KCNH7: variants seen among roughly 807,000 people sequenced by gnomAD.
The protein encoded by KCNH7 is potassium voltage-gated channel subfamily H member 7.
KCNH7 carries 49 observed loss-of-function variants against 120.8 expected under a neutral mutation model. The observed-to-expected ratio is 0.41, with a 90% CI of 0.32 to 0.51. The LOEUF (loss-of-function observed/expected upper bound fraction) is 0.51. Ranked by LOEUF, KCNH7 falls within the 20% of genes least tolerant of loss-of-function variation. The pLI is 0.38. For missense variants in KCNH7, 1,097 were observed against 1,446.6 expected (o/e 0.76, Z 3.92); for synonymous variants, 547 against 516.1 (o/e 1.06, Z -0.81).
At chr2:162,637,385 G>A (rs542025437) in intron 2 of KCNH7, among the ~76,000 whole-genome samples, 1 of 152,056 alleles carries the variant, frequency 6.6e-6, no homozygotes, top group Non-Finnish European at 1.5e-5. Flanking sequence ...AAACATACCC[G>A]ATAGTTCCAA....
chr2:162,572,640 A>G (rs1693523192), intron 2 of KCNH7, among the ~76,000 whole-genome samples: 1 of 122,162 alleles, frequency 8.2e-6, no homozygotes, highest in Non-Finnish European at 1.7e-5. Context: ...AAGACTTGGA[A>G]CCAACCCAAA....
intron 3 of KCNH7, among the ~76,000 whole-genome samples, chr2:162,535,825 C>G (rs753968834): frequency 2.6e-5 from 4 of 151,512 alleles, no homozygotes; most frequent in Non-Finnish European, 5.9e-5. Context: ...ATAGATAGAT[C>G]AACAGAACAG....
At chr2:162,725,953 T>G (rs1193249770) in intron 2 of KCNH7, among the ~76,000 whole-genome samples, 1 of 152,224 alleles carries the variant, frequency 6.6e-6, no homozygotes, top group African/African-American at 2.4e-5. Context: ...AAGAATATTT[T>G]CTTTCAAAAC....
chr2:162,664,703 G>A (rs1243264674), intron 2 of KCNH7, among the ~76,000 whole-genome samples: 1 of 152,096 alleles, frequency 6.6e-6, no homozygotes, highest in Non-Finnish European at 1.5e-5. Context: ...AATATATGAT[G>A]TCCTTTTATA....
chr2:162,484,949 G>A (rs542259859), intron 6 of KCNH7, among the ~76,000 whole-genome samples: 2 of 152,196 alleles, frequency 1.3e-5, no homozygotes, highest in African/African-American at 4.8e-5. Context: ...CCAGAATCAT[G>A]AGCGAATAAA....
chr2:162,513,446 C>T (rs1394110414), intron 4 of KCNH7, among the ~76,000 whole-genome samples: 4 of 134,888 alleles, frequency 3.0e-5, no homozygotes, highest in African/African-American at 8.2e-5. Context: ...TCCTTCCTTC[C>T]TTCCTTCTCT....
At chr2:162,752,923 G>C (rs1433635093) in intron 2 of KCNH7, among the ~76,000 whole-genome samples, 2 of 66,166 alleles carry the variant, frequency 3.0e-5, no homozygotes, top group Admixed American at 3.2e-4. Flanking sequence ...GAAAAGAAAA[G>C]AAAAGAAAAG....
intron 2 of KCNH7, among the ~76,000 whole-genome samples, chr2:162,828,731 C>T (rs1450283529): frequency 1.3e-5 from 2 of 152,116 alleles, no homozygotes. Flanking sequence ...CAGGGAACCT[C>T]ACACATTCTG....
At chr2:162,639,173 C>A (rs1684063045) in intron 2 of KCNH7, among the ~76,000 whole-genome samples, 1 of 152,110 alleles carries the variant, frequency 6.6e-6, no homozygotes, top group Admixed American at 6.6e-5. Context: ...TAAATACATT[C>A]TTACAGGAGA....
chr2:162,832,925 T>C (rs1685529238), intron 2 of KCNH7, among the ~76,000 whole-genome samples: 2 of 152,146 alleles, frequency 1.3e-5, no homozygotes. Context: ...CAGTCCCTTA[T>C]CATTCTTCAG....
At chr2:162,474,448 G>A (rs1384823259) in intron 6 of KCNH7, among the ~76,000 whole-genome samples, 1 of 152,208 alleles carries the variant, frequency 6.6e-6, no homozygotes, top group Non-Finnish European at 1.5e-5. Context: ...AAACTAATTA[G>A]AGGTAGCTAT....
At chr2:162,481,976 C>CTATA in intron 6 of KCNH7, among the ~76,000 whole-genome samples, 1 of 149,564 alleles carries the variant, frequency 6.7e-6, no homozygotes, top group East Asian at 1.9e-4. Flanking sequence ...ATCTATCTAT[C>CTATA]TATCTATCTA....
intron 2 of KCNH7, among the ~76,000 whole-genome samples, chr2:162,615,650 A>T (rs1215047299): frequency 1.3e-5 from 2 of 152,272 alleles, no homozygotes; most frequent in East Asian, 3.9e-4. Flanking sequence ...ATTACTTATC[A>T]TTTATGCAAC....
intron 2 of KCNH7, among the ~76,000 whole-genome samples, chr2:162,708,080 T>C (rs550368065): frequency 3.3e-5 from 5 of 152,268 alleles, no homozygotes; most frequent in African/African-American, 1.2e-4. Flanking sequence ...ATTTATTTAA[T>C]AAATTTATCT....
intron 6 of KCNH7, among the ~76,000 whole-genome samples, chr2:162,491,655 T>C (rs921416746): frequency 1.3e-5 from 2 of 152,294 alleles, no homozygotes. Flanking sequence ...AAAAGTTGCA[T>C]TGGCATTCAT....
intron 6 of KCNH7, among the ~76,000 whole-genome samples, chr2:162,472,676 TGTG>T (rs1200030204): frequency 6.6e-6 from 1 of 152,214 alleles, no homozygotes; most frequent in Non-Finnish European, 1.5e-5. Context: ...TGGCAGTCGG[TGTG>T]GTGATTCCTC....
At chr2:162,651,064 T>C (rs1012791715) in intron 2 of KCNH7, among the ~76,000 whole-genome samples, 4 of 152,198 alleles carry the variant, frequency 2.6e-5, no homozygotes, top group Admixed American at 2.6e-4. Flanking sequence ...GAAACACTTA[T>C]GAAGGACTAA....
chr2:162,596,039 T>C (rs1694368303), intron 2 of KCNH7, among the ~76,000 whole-genome samples: 1 of 151,946 alleles, frequency 6.6e-6, no homozygotes, highest in Non-Finnish European at 1.5e-5. Context: ...TAAAAATAAA[T>C]TGATGAAAGA....
At chr2:162,770,736 A>G (rs1435980239) in intron 2 of KCNH7, among the ~76,000 whole-genome samples, 1 of 152,050 alleles carries the variant, frequency 6.6e-6, no homozygotes, top group Non-Finnish European at 1.5e-5. Context: ...GTGTATTATC[A>G]ATATGTTGAA....
Sources: allele counts gnomAD v4.1 joint callset (sites outside exome capture counted in the v4.1 genomes callset), GRCh38; gene constraint gnomAD v4.1.1; transcripts MANE v1.5; gene names NCBI Gene and HGNC (gene_info 2026-07-23, HGNC 2026-07-21).